The following CAMK2D variants were observed in gnomAD, a reference collection of about 807,000 sequenced individuals.
CAMK2D encodes calcium/calmodulin dependent protein kinase II delta, also known as calcium/calmodulin-dependent protein kinase type II subunit delta.
Under a neutral mutation model 84.0 loss-of-function variants are expected in CAMK2D, and 37 were observed. That is an observed-to-expected ratio of 0.44 (90% CI 0.34 to 0.58). The LOEUF (loss-of-function observed/expected upper bound fraction) is 0.58. CAMK2D is among the 20% of genes least tolerant of loss of function. The pLI is 0.02. For synonymous variants in CAMK2D, 202 were observed against 212.5 expected (o/e 0.95, Z 0.43); for missense variants, 448 against 652.5 (o/e 0.69, Z 3.41).
rs2097534871 is a variant in CAMK2D at position 113,470,540 on chromosome 4, A to C, written c.1136-4936T>G. ...GTAGTCCCAGCTACTCGGGAGACTGAGGCAGGAGAATCACTTGAACCCGGT... is the reference window on the plus strand; with the variant it reads ...GTAGTCCCAGCTACTCGGGAGACTGCGGCAGGAGAATCACTTGAACCCGGT... On this transcript the variant is annotated intron_variant, in intron 16 of 20. Coordinates refer to ENST00000511664, the MANE Select transcript of CAMK2D (RefSeq NM_001321571.2). 2.0e-5 allele frequency among the ~76,000 whole-genome samples: 3 copies of C among 151,924 alleles called. No individual in the cohort carries two copies. The South Asian group carries it at 6.2e-4, about 32-fold the overall frequency.
chr4:113,674,945 A>T (rs1169681295), intron 2 of CAMK2D, among the ~76,000 whole-genome samples: 2 of 152,158 alleles, frequency 1.3e-5, no homozygotes, highest in Non-Finnish European at 2.9e-5. Flanking sequence ...GTGACCTGGA[A>T]ATAAGGGACT....
chr4:113,486,615 A>C (rs1156951754), intron 16 of CAMK2D, among the ~76,000 whole-genome samples: 2 of 152,240 alleles, frequency 1.3e-5, no homozygotes, highest in Non-Finnish European at 2.9e-5. Flanking sequence ...AAGAATATTA[A>C]GCCTGAATCC....
chr4:113,513,804 C>G, intron 11 of CAMK2D, 26 bp downstream of exon 11: 1 of 1,056,610 alleles, frequency 9.5e-7, no homozygotes, highest in Non-Finnish European at 1.5e-6. Context: ...AAATCTACCT[C>G]CCCATAAAAA....
intron 16 of CAMK2D, among the ~76,000 whole-genome samples, chr4:113,469,790 T>A (rs555962997): frequency 7.2e-5 from 11 of 152,262 alleles, no homozygotes; most frequent in African/African-American, 2.4e-4. Flanking sequence ...AACCTGAGGA[T>A]CATATTTGAC....
At chr4:113,723,375 C>T (rs1055036534) in intron 2 of CAMK2D, among the ~76,000 whole-genome samples, 1 of 152,062 alleles carries the variant, frequency 6.6e-6, no homozygotes, top group Non-Finnish European at 1.5e-5. Context: ...CAGGCGTGTG[C>T]CACCATGCCT....
chr4:113,557,301 A>C (rs948907499), intron 4 of CAMK2D, among the ~76,000 whole-genome samples: 11 of 152,160 alleles, frequency 7.2e-5, no homozygotes, highest in Non-Finnish European at 1.2e-4. Context: ...ATGGCTGTAC[A>C]CTGATTTTTC....
At chr4:113,510,033 C>T (rs769183862) in intron 12 of CAMK2D, among the ~76,000 whole-genome samples, 1 of 152,170 alleles carries the variant, frequency 6.6e-6, no homozygotes, top group Non-Finnish European at 1.5e-5. Context: ...CTTTGGACAT[C>T]AGCTGACTGA....
chr4:113,636,346 A>G (rs1023585534), intron 3 of CAMK2D, among the ~76,000 whole-genome samples: 4 of 152,140 alleles, frequency 2.6e-5, no homozygotes, highest in African/African-American at 9.7e-5. Flanking sequence ...AATTCAAGCC[A>G]CCGATTACTC....
chr4:113,729,278 C>T (rs2099555428), intron 2 of CAMK2D, among the ~76,000 whole-genome samples: 1 of 152,154 alleles, frequency 6.6e-6, no homozygotes, highest in South Asian at 2.1e-4. Flanking sequence ...TGTTATGCCT[C>T]TGCTTAAATT....
intron 3 of CAMK2D, among the ~76,000 whole-genome samples, chr4:113,634,105 C>T (rs780096696): frequency 4.2e-4 from 64 of 152,212 alleles, no homozygotes; most frequent in Non-Finnish European, 8.5e-4. Flanking sequence ...TACAGTCCCA[C>T]AAAACACTGA....
chr4:113,598,724 A>C (rs1022314957), intron 4 of CAMK2D, among the ~76,000 whole-genome samples: 3 of 152,166 alleles, frequency 2.0e-5, no homozygotes, highest in Admixed American at 6.5e-5. Flanking sequence ...TCTGTCACCC[A>C]GGCTGGAGTA....
intron 2 of CAMK2D, among the ~76,000 whole-genome samples, chr4:113,728,049 AC>A (rs2099551516): frequency 6.6e-6 from 1 of 152,170 alleles, no homozygotes; most frequent in African/African-American, 2.4e-5. Context: ...CAATTCCCAT[AC>A]ATTGCTGGTA....
At chr4:113,572,345 A>T (rs1186199909) in intron 4 of CAMK2D, among the ~76,000 whole-genome samples, 3 of 152,092 alleles carry the variant, frequency 2.0e-5, no homozygotes, top group Admixed American at 2.0e-4. Flanking sequence ...TATAAGATTT[A>T]AAAAATATGG....
intron 4 of CAMK2D, among the ~76,000 whole-genome samples, chr4:113,596,315 A>T (rs2098926260): frequency 6.6e-6 from 1 of 152,178 alleles, no homozygotes; most frequent in Admixed American, 6.5e-5. Flanking sequence ...AAAATCATCC[A>T]TGAGAGATGG....
chr4:113,606,860 CGA>C (rs1224392292), intron 4 of CAMK2D, among the ~76,000 whole-genome samples: 1 of 151,682 alleles, frequency 6.6e-6, no homozygotes, highest in Non-Finnish European at 1.5e-5. Flanking sequence ...CCAAAGACAA[CGA>C]GAAAAAGAAA....
chr4:113,543,256 A>T (rs2098543195), intron 6 of CAMK2D, among the ~76,000 whole-genome samples: 1 of 152,206 alleles, frequency 6.6e-6, no homozygotes. Context: ...TGACATTAAA[A>T]ATTGTCATTT....
At chr4:113,470,648 A>G (rs1253398203) in intron 16 of CAMK2D, among the ~76,000 whole-genome samples, 1 of 151,690 alleles carries the variant, frequency 6.6e-6, no homozygotes, top group Non-Finnish European at 1.5e-5. Flanking sequence ...AAAAAAAGAA[A>G]AAAAAAAAAA....
At chr4:113,494,722 G>A (rs1034987192) in intron 16 of CAMK2D, among the ~76,000 whole-genome samples, 21 of 152,314 alleles carry the variant, frequency 1.4e-4, no homozygotes, top group Middle Eastern at 3.4e-3. Context: ...GGCAATGGCG[G>A]GCGCCCCTCC....
At chr4:113,517,030 AT>A (rs2098294579) in intron 9 of CAMK2D, among the ~76,000 whole-genome samples, 1 of 151,728 alleles carries the variant, frequency 6.6e-6, no homozygotes, top group Non-Finnish European at 1.5e-5. Flanking sequence ...AATTAAATAT[AT>A]TATTAGAATT....
Sources: gnomAD v4.1 joint callset for allele counts (sites outside exome capture counted in the v4.1 genomes callset) on GRCh38, gnomAD v4.1.1 for gene constraint, MANE v1.5 for transcripts, NCBI Gene and HGNC (gene_info 2026-07-23, HGNC 2026-07-21) for gene names.